Variants in MYRIP observed in about 807,000 individuals in gnomAD.
MYRIP encodes myosin VIIA and Rab interacting protein.
A neutral mutation model predicts 98.0 loss-of-function variants in MYRIP; 49 were observed. The observed-to-expected ratio is 0.50, with a 90% CI of 0.40 to 0.63. The LOEUF is 0.63. Among genes scored for constraint, MYRIP ranks in the 30% least tolerant of loss-of-function variants. The pLI, the probability that MYRIP is intolerant of heterozygous loss-of-function variation, is 0.00. For synonymous variants in MYRIP, 404 were observed against 409.5 expected, an observed-to-expected ratio of 0.99 and a Z score of 0.16; for missense variants, 1,004 against 1,058.2, an observed-to-expected ratio of 0.95 and a Z score of 0.71.
At chr3:39,907,092 A>C (rs1943897327) in intron 2 of MYRIP, among the ~76,000 whole-genome samples, 1 of 151,980 alleles carries the variant, frequency 6.6e-6, no homozygotes, top group African/African-American at 2.4e-5. Flanking sequence ...ACTCCTGAGT[A>C]CCCCATGGAC....
At chr3:39,959,332 AC>A (rs1159772398) in intron 2 of MYRIP, among the ~76,000 whole-genome samples, 1 of 152,242 alleles carries the variant, frequency 6.6e-6, no homozygotes, top group East Asian at 1.9e-4. Context: ...ACCATGGAAT[AC>A]TATGCAGCCA....
chr3:39,919,123 T>C (rs1336533851), intron 2 of MYRIP, among the ~76,000 whole-genome samples: 1 of 152,220 alleles, frequency 6.6e-6, no homozygotes, highest in Non-Finnish European at 1.5e-5. Flanking sequence ...TGAAATATTT[T>C]GGTTTTCTTC....
At chr3:40,016,808 T>G (rs901757496) in intron 2 of MYRIP, among the ~76,000 whole-genome samples, 6 of 152,230 alleles carry the variant, frequency 3.9e-5, no homozygotes, top group Admixed American at 3.9e-4. Context: ...TGCAGTCAGT[T>G]AAAGTTTGTG....
At chr3:40,203,973 T>C (rs372855612) in intron 10 of MYRIP, among the ~76,000 whole-genome samples, 4,270 of 8,378 alleles carry the variant, frequency 0.51, 1,842 homozygotes, top group African/African-American at 0.62. Flanking sequence ...ACATTATATA[T>C]ATTATATATA....
chr3:39,942,173 T>G (rs1016075537), intron 2 of MYRIP, among the ~76,000 whole-genome samples: 1 of 152,112 alleles, frequency 6.6e-6, no homozygotes, highest in Non-Finnish European at 1.5e-5. Flanking sequence ...TACCTCTCCG[T>G]GCGTTCAGAG....
chr3:40,184,064 T>C (rs1278700987), intron 9 of MYRIP, among the ~76,000 whole-genome samples: 2 of 152,264 alleles, frequency 1.3e-5, no homozygotes, highest in Non-Finnish European at 2.9e-5. Flanking sequence ...ATCGTTTCTT[T>C]ACTTATGTAT....
chr3:39,830,574 C>T (rs1941411158), intron 1 of MYRIP, among the ~76,000 whole-genome samples: 1 of 152,164 alleles, frequency 6.6e-6, no homozygotes, highest in Non-Finnish European at 1.5e-5. Context: ...GCTCACCTGC[C>T]ATATCTGCTG....
intron 1 of MYRIP, among the ~76,000 whole-genome samples, chr3:39,849,530 G>C (rs1464884210): frequency 6.6e-6 from 1 of 152,192 alleles, no homozygotes; most frequent in Non-Finnish European, 1.5e-5. Flanking sequence ...GAGATGGTGA[G>C]AGGTTCATCA....
At chr3:39,834,587 A>AC (rs1941566210) in intron 1 of MYRIP, among the ~76,000 whole-genome samples, 1 of 152,186 alleles carries the variant, frequency 6.6e-6, no homozygotes, top group Non-Finnish European at 1.5e-5. Context: ...TGTTTATTTT[A>AC]CTAAAATGAT....
intron 7 of MYRIP, among the ~76,000 whole-genome samples, chr3:40,169,519 C>A (rs765850229): frequency 1.3e-5 from 2 of 152,188 alleles, no homozygotes; most frequent in East Asian, 1.9e-4. Flanking sequence ...TCAGGACTTA[C>A]AACCAGAGGC....
intron 3 of MYRIP, among the ~76,000 whole-genome samples, chr3:40,088,616 A>G (rs1948676907): frequency 6.6e-6 from 1 of 152,050 alleles, no homozygotes; most frequent in African/African-American, 2.4e-5. Context: ...AACCCTACAG[A>G]GCTAGTGCTG....
At chr3:39,931,058 TAAC>T (rs1944526864) in intron 2 of MYRIP, among the ~76,000 whole-genome samples, 1 of 152,052 alleles carries the variant, frequency 6.6e-6, no homozygotes, top group Admixed American at 6.6e-5. Flanking sequence ...CAAAAATCGA[TAAC>T]AAAAGAACAA....
chr3:40,228,472 G>A (rs1215499459), intron 11 of MYRIP, among the ~76,000 whole-genome samples: 1 of 152,122 alleles, frequency 6.6e-6, no homozygotes, highest in Non-Finnish European at 1.5e-5. Flanking sequence ...ATCCCTAAAG[G>A]GTAAGGAGGC....
Position 40,250,214 on chromosome 3 carries a change from G to T in MYRIP, c.2263-8G>T. ...TCCCTGCCAATCTTGTCTTTCTGTT[G>T]CTTTAAGATTTCAGATATTGAGAGC... On this transcript the variant is annotated splice_region_variant and splice_polypyrimidine_tract_variant and intron_variant, in intron 13 of 16. Transcript: ENST00000302541. 6.3e-7 allele frequency: 1 copy of T among 1,596,380 alleles called. No individual in the cohort carries two copies. Among genetic ancestry groups the T allele is most frequent in the Non-Finnish European group, 8.6e-7 (1 of 1,164,302 alleles).
intron 1 of MYRIP, among the ~76,000 whole-genome samples, chr3:39,812,427 G>A (rs1054890739): frequency 6.6e-6 from 1 of 152,198 alleles, no homozygotes; most frequent in African/African-American, 2.4e-5. Context: ...GGTGAAGAAT[G>A]ACTTGGTTGT....
intron 3 of MYRIP, among the ~76,000 whole-genome samples, chr3:40,076,692 C>G (rs1948349855): frequency 6.6e-6 from 1 of 152,134 alleles, no homozygotes; most frequent in Non-Finnish European, 1.5e-5. Context: ...CATAATCACC[C>G]TCTCATGCTT....
At chr3:39,928,536 A>T (rs984316167) in intron 2 of MYRIP, among the ~76,000 whole-genome samples, 2 of 151,960 alleles carry the variant, frequency 1.3e-5, no homozygotes, top group African/African-American at 4.8e-5. Flanking sequence ...TTAAAAAAAC[A>T]ATCAATGTAA....
rs143190306 is a variant in MYRIP at position 40,044,263 on chromosome 3, G to A, written c.324G>A (p.Gln108=). The A allele has an allele frequency of 1.8e-4, 287 of 1,614,158 alleles. 2 individuals carry two copies. In the Middle Eastern group the frequency reaches 9.7e-3, roughly 55 times the overall value. Residue 108 remains glutamine (Q), a synonymous_variant, in exon 3 of 17, where the codon CAG becomes CAA. Coordinates refer to ENST00000302541, the MANE Select transcript of MYRIP (RefSeq NM_015460.4). ...HEKAWVCCVC[Q]QARLLRAQSL... is the part of the protein sequence containing the mutation. ...AGGCCTGGGTCTGCTGCGTCTGCCAGCAAGCGAGGTGAGTGGCTGGTGCAT... is the reference window on the plus strand; with the variant it reads ...AGGCCTGGGTCTGCTGCGTCTGCCAACAAGCGAGGTGAGTGGCTGGTGCAT...
intron 10 of MYRIP, among the ~76,000 whole-genome samples, chr3:40,192,328 C>CATATATATGTCATATATATATATGTCAT (rs1951249035): frequency 2.6e-5 from 1 of 37,844 alleles, no homozygotes; most frequent in African/African-American, 2.2e-4. Flanking sequence ...ATATATATGT[C>CATATATATGTCATATATATATATGTCAT]ATATATATAT....
Sources: gnomAD v4.1 joint callset for allele counts (sites outside exome capture counted in the v4.1 genomes callset) on GRCh38, gnomAD v4.1.1 for gene constraint, MANE v1.5 for transcripts, NCBI Gene and HGNC (gene_info 2026-07-23, HGNC 2026-07-21) for gene names.